Variants in ASIC2 observed in about 807,000 individuals in gnomAD.
ASIC2 encodes acid-sensing ion channel 2.
Under a neutral mutation model 57.3 loss-of-function variants are expected in ASIC2, and 25 were observed. That is an observed-to-expected ratio of 0.44 (90% CI 0.32 to 0.61). The LOEUF is 0.61. Ranked by LOEUF, ASIC2 falls within the 20% of genes least tolerant of loss-of-function variation. The pLI, the probability that ASIC2 is intolerant of heterozygous loss-of-function variation, is 0.06. For synonymous variants in ASIC2, 319 were observed against 307.5 expected, an observed-to-expected ratio of 1.04 and a Z score of -0.39; for missense variants, 641 against 738.1, an observed-to-expected ratio of 0.87 and a Z score of 1.52.
intron 1 of ASIC2, among the ~76,000 whole-genome samples, chr17:33,475,912 G>C (rs1266240883): frequency 6.6e-6 from 1 of 152,056 alleles, no homozygotes; most frequent in African/African-American, 2.4e-5. Context: ...TTGCAATTTT[G>C]ATCCATTCTC....
At chr17:33,984,443 A>G (rs1905741582) in intron 1 of ASIC2, 1 of 152,216 alleles carries the variant, frequency 6.6e-6, no homozygotes, top group African/African-American at 2.4e-5. Flanking sequence ...GCAATCAAAC[A>G]CGCCTACATC....
intron 1 of ASIC2, chr17:34,039,393 G>T (rs1908012409): frequency 4.3e-6 from 7 of 1,613,942 alleles, no homozygotes; most frequent in Non-Finnish European, 5.1e-6. Context: ...GCTGCTCTGT[G>T]TCAAGCCGAG....
chr17:33,079,970 G>A (rs2092106524), intron 3 of ASIC2, among the ~76,000 whole-genome samples: 2 of 152,108 alleles, frequency 1.3e-5, no homozygotes. Flanking sequence ...GGGAGAAGAT[G>A]AATTTAGTTT....
intron 1 of ASIC2, among the ~76,000 whole-genome samples, chr17:33,579,402 A>G (rs1007846279): frequency 6.6e-6 from 1 of 151,530 alleles, no homozygotes; most frequent in Non-Finnish European, 1.5e-5. Context: ...ATTATTCTGG[A>G]GGGGAAGGTA....
chr17:34,113,755 G>A (rs1422359293), intron 1 of ASIC2, among the ~76,000 whole-genome samples: 2 of 151,942 alleles, frequency 1.3e-5, no homozygotes, highest in East Asian at 3.9e-4. Context: ...TGCACCTACA[G>A]TCGCAGTTAC....
chr17:33,862,987 C>T (rs1016867056), intron 1 of ASIC2, among the ~76,000 whole-genome samples: 4 of 152,184 alleles, frequency 2.6e-5, no homozygotes, highest in South Asian at 4.1e-4. Context: ...CAGCTCTTCC[C>T]CTTCCAGCTT....
At chr17:33,965,122 G>C (rs146510061) in intron 1 of ASIC2, among the ~76,000 whole-genome samples, 10 of 152,110 alleles carry the variant, frequency 6.6e-5, no homozygotes, top group Non-Finnish European at 1.5e-4. Context: ...GAAGGGAGAC[G>C]GCTCTTATTG....
chr17:33,015,984 T>C lies in ASIC2; in HGVS notation c.1577A>G (p.His526Arg). The C allele has an allele frequency of 1.2e-6, 2 of 1,614,128 alleles. No individual in the cohort carries two copies. The highest frequency in any genetic ancestry group is 1.1e-5 in the South Asian group (1 of 91,076). The stretch of plus-strand genomic sequence containing the variant: ...AGCTGCTCTTACCACATTCTCATCG[T>C]GGCTCCCTTCGTCCTCCTCTTTGCC... ...LLGKEEDEGSHDENVSTCDTM... is the reference protein window; with the variant it reads ...LLGKEEDEGSRDENVSTCDTM... The change falls in exon 9 of 10, where the codon CAC becomes CGC. Residue 526 changes from histidine (H) to arginine (R), a missense_variant. Around this residue, in one of 3 missense-constraint regions of ASIC2, gnomAD observed 252 missense variants for 319.8 expected, o/e 0.79. Transcript: ENST00000225823.
chr17:33,238,741 A>G (rs894316881), intron 1 of ASIC2, among the ~76,000 whole-genome samples: 3 of 152,146 alleles, frequency 2.0e-5, no homozygotes, highest in Admixed American at 6.5e-5. Flanking sequence ...TCCCTTTATT[A>G]AAGTCTTTGC....
chr17:33,161,154 CTG>C (rs1905149465), intron 1 of ASIC2, among the ~76,000 whole-genome samples: 1 of 152,154 alleles, frequency 6.6e-6, no homozygotes, highest in Non-Finnish European at 1.5e-5. Context: ...TGGCTGTCTC[CTG>C]TGCTGAGAAA....
At chr17:33,462,151 G>A (rs756410592) in intron 1 of ASIC2, among the ~76,000 whole-genome samples, 2 of 152,170 alleles carry the variant, frequency 1.3e-5, no homozygotes, top group African/African-American at 4.8e-5. Context: ...AGCCTTCCTA[G>A]CAAAGGTGAC....
intron 1 of ASIC2, among the ~76,000 whole-genome samples, chr17:33,881,539 G>C (rs1373566689): frequency 6.6e-6 from 1 of 152,110 alleles, no homozygotes; most frequent in Non-Finnish European, 1.5e-5. Context: ...AAATAACTAG[G>C]AATCCAACTT....
At chr17:33,953,914 A>G (rs1278313975) in intron 1 of ASIC2, among the ~76,000 whole-genome samples, 1 of 152,190 alleles carries the variant, frequency 6.6e-6, no homozygotes. Context: ...TTTGGAATTT[A>G]AATTTCATTT....
At chr17:34,114,198 T>G (rs899480752) in intron 1 of ASIC2, among the ~76,000 whole-genome samples, 8 of 152,196 alleles carry the variant, frequency 5.3e-5, no homozygotes, top group Non-Finnish European at 7.3e-5. Context: ...GGCTGATCCT[T>G]CCTGCCTGCA....
chr17:33,279,547 G>A (rs1024273771), intron 1 of ASIC2, among the ~76,000 whole-genome samples: 13 of 152,142 alleles, frequency 8.5e-5, no homozygotes, highest in African/African-American at 3.1e-4. Context: ...GGAACGTGGA[G>A]CACGAGAGAG....
chr17:34,156,113 C>T lies in ASIC2; in HGVS notation c.420G>A (p.Lys140=). The change falls in exon 1 of 10, where the codon AAG becomes AAA. Residue 140 remains lysine, a synonymous_variant. Transcript: ENST00000359872. The surrounding 1 kb of genome is among the most constrained non-coding windows in gnomAD (Gnocchi z 4.4). Reference sequence around the variant, plus strand: ...TGGGTTTGTAGTGCTTGAAGTTGGCCTTCTGCCGCAGGGCCTCCAGCACGG... The same window carrying T: ...TGGGTTTGTAGTGCTTGAAGTTGGCTTTCTGCCGCAGGGCCTCCAGCACGG... 1 of 1,614,110 alleles carries T rather than the reference C, an allele frequency of 6.2e-7. No individual in the cohort carries two copies. The highest frequency in any genetic ancestry group is 8.5e-7 in the Non-Finnish European group (1 of 1,180,030).
intron 1 of ASIC2, chr17:33,816,834 C>T (rs1342524040): frequency 1.3e-5 from 2 of 152,218 alleles, no homozygotes; most frequent in Non-Finnish European, 1.5e-5. Flanking sequence ...TTTCCCAGTC[C>T]CCAAATCTGC....
intron 1 of ASIC2, among the ~76,000 whole-genome samples, chr17:34,027,414 T>C (rs1907418926): frequency 6.6e-6 from 1 of 152,196 alleles, no homozygotes; most frequent in Admixed American, 6.5e-5. Flanking sequence ...GTCAGACTTG[T>C]GTTAAGGAGG....
intron 1 of ASIC2, among the ~76,000 whole-genome samples, chr17:33,995,277 G>T (rs576713460): frequency 6.6e-6 from 1 of 152,282 alleles, no homozygotes; most frequent in East Asian, 1.9e-4. Context: ...GGGCAAGTGG[G>T]TGAATTAGGC....
Sources: gnomAD v4.1 joint callset for allele counts (sites outside exome capture counted in the v4.1 genomes callset) on GRCh38, gnomAD v4.1.1 for gene constraint, gnomAD v4.1.1 regional missense constraint, Gnocchi (gnomAD v3.1) non-coding constraint, MANE v1.5 for transcripts, NCBI Gene and HGNC (gene_info 2026-07-23, HGNC 2026-07-21) for gene names.